The following NBEA variants were observed in gnomAD, a reference collection of about 807,000 sequenced individuals.
NBEA encodes the protein lysosomal-trafficking regulator 2.
In NBEA, 44 loss-of-function variants were observed where a neutral mutation model predicts 343.4. That is an observed-to-expected ratio of 0.13 (90% confidence interval 0.10 to 0.16). The LOEUF (loss-of-function observed/expected upper bound fraction) is 0.16. NBEA is among the 10% of genes least tolerant of loss of function. The pLI is 1.00. For synonymous variants in NBEA, 1,175 were observed against 1,238.7 expected, an observed-to-expected ratio of 0.95 and a Z score of 1.08; for missense variants, 2,555 against 3,631.3, an observed-to-expected ratio of 0.70 and a Z score of 7.62.
chr13:35,527,029 T>G (rs2078010893), intron 41 of NBEA, among the ~76,000 whole-genome samples: 1 of 151,886 alleles, frequency 6.6e-6, no homozygotes, highest in South Asian at 2.1e-4. Context: ...TCTCTTCCTC[T>G]CTCCTTCTCT....
intron 35 of NBEA, among the ~76,000 whole-genome samples, chr13:35,308,540 G>GTA (rs1193426602): frequency 2.7e-5 from 2 of 74,196 alleles, no homozygotes; most frequent in African/African-American, 9.2e-5. Context: ...ATGTATATAT[G>GTA]TATATATATG....
chr13:35,551,346 A>G (rs890748805), intron 43 of NBEA, among the ~76,000 whole-genome samples: 2 of 152,180 alleles, frequency 1.3e-5, no homozygotes, highest in Non-Finnish European at 2.9e-5. Context: ...AAGCCTGAAG[A>G]TCATAAATGA....
intron 38 of NBEA, among the ~76,000 whole-genome samples, chr13:35,376,194 G>A (rs2041729685): frequency 6.6e-6 from 1 of 152,076 alleles, no homozygotes; most frequent in South Asian, 2.1e-4. Flanking sequence ...TCCATTACGG[G>A]TGCTGTTGTC....
intron 11 of NBEA, among the ~76,000 whole-genome samples, chr13:35,102,586 T>C (rs2152645861): frequency 1.3e-5 from 2 of 151,932 alleles, no homozygotes; most frequent in East Asian, 3.9e-4. Flanking sequence ...GTCTTTTTGA[T>C]GGATTTATTT....
At chr13:35,176,937 A>T in intron 27 of NBEA, 59 bp from the exon 28 acceptor site, 5 of 1,125,072 alleles carry the variant, frequency 4.4e-6, no homozygotes, top group Non-Finnish European at 6.5e-6. Context: ...TTAAGAAGTG[A>T]TACTTCTATA....
chr13:35,291,598 C>T (rs1434900534), intron 35 of NBEA, among the ~76,000 whole-genome samples: 1 of 151,784 alleles, frequency 6.6e-6, no homozygotes, highest in Non-Finnish European at 1.5e-5. Context: ...CTATCTGGAC[C>T]TTTTCGATTC....
At chr13:35,522,832 C>A (rs73499813) in intron 41 of NBEA, among the ~76,000 whole-genome samples, 1 of 151,986 alleles carries the variant, frequency 6.6e-6, no homozygotes, top group African/African-American at 2.4e-5. Flanking sequence ...CAGTTTAATC[C>A]CCAGACCACC....
At chr13:35,238,234 C>CA (rs1241991818) in intron 34 of NBEA, among the ~76,000 whole-genome samples, 14 of 152,150 alleles carry the variant, frequency 9.2e-5, no homozygotes, top group Non-Finnish European at 1.8e-4. Context: ...CAGAAATATT[C>CA]AGAGTAACTT....
intron 45 of NBEA, among the ~76,000 whole-genome samples, chr13:35,576,433 A>G (rs2080745173): frequency 6.6e-6 from 1 of 152,116 alleles, no homozygotes; most frequent in Non-Finnish European, 1.5e-5. Flanking sequence ...AGAAATTTAT[A>G]TTTGGAAATA....
intron 17 of NBEA, among the ~76,000 whole-genome samples, chr13:35,136,665 C>T (rs1250929760): frequency 6.6e-6 from 1 of 152,302 alleles, no homozygotes; most frequent in South Asian, 2.1e-4. Context: ...TCAGACTTCT[C>T]CCAGTTGAAT....
chr13:35,089,373 C>G (rs2064947757), intron 10 of NBEA, among the ~76,000 whole-genome samples: 1 of 150,388 alleles, frequency 6.6e-6, no homozygotes, highest in Non-Finnish European at 1.5e-5. Context: ...CCATCTCACA[C>G]CAGTTAGAAT....
At chr13:34,945,726 G>C (rs2059167193) in intron 1 of NBEA, among the ~76,000 whole-genome samples, 1 of 152,050 alleles carries the variant, frequency 6.6e-6, no homozygotes, top group South Asian at 2.1e-4. Context: ...CTTTGTCTCA[G>C]TCGCCTTTGT....
At chr13:35,417,600 ATAGT>A (rs2091936597) in intron 38 of NBEA, among the ~76,000 whole-genome samples, 1 of 151,982 alleles carries the variant, frequency 6.6e-6, no homozygotes, top group Non-Finnish European at 1.5e-5. Context: ...GGTCTGAGAG[ATAGT>A]TTGTTTTAAT....
intron 23 of NBEA, among the ~76,000 whole-genome samples, chr13:35,163,546 G>A (rs2069739354): frequency 6.6e-6 from 1 of 151,308 alleles, no homozygotes; most frequent in Non-Finnish European, 1.5e-5. Context: ...TGGGCCCAGG[G>A]AGGTTGAGGA....
intron 55 of NBEA, among the ~76,000 whole-genome samples, chr13:35,656,714 T>C (rs973447099): frequency 6.6e-6 from 1 of 152,208 alleles, no homozygotes; most frequent in African/African-American, 2.4e-5. Flanking sequence ...TGCATGACTT[T>C]CCTGTATAAT....
intron 49 of NBEA, among the ~76,000 whole-genome samples, chr13:35,641,456 G>A (rs2083941848): frequency 6.6e-6 from 1 of 152,126 alleles, no homozygotes; most frequent in Non-Finnish European, 1.5e-5. Context: ...TTGATAAATT[G>A]TGTTAGGTTA....
At chr13:35,170,506 A>G (rs1017680426) in intron 25 of NBEA, among the ~76,000 whole-genome samples, 5 of 151,866 alleles carry the variant, frequency 3.3e-5, no homozygotes, top group African/African-American at 1.2e-4. Context: ...AGAAATGTTG[A>G]CATTGTTTAA....
intron 33 of NBEA, among the ~76,000 whole-genome samples, chr13:35,221,083 C>T (rs540915224): frequency 1.7e-4 from 26 of 152,168 alleles, no homozygotes; most frequent in South Asian, 4.1e-4. Flanking sequence ...TGATGGCTCA[C>T]GACTGTAATC....
At chr13:35,485,120 C>T (rs1424836789) in intron 41 of NBEA, among the ~76,000 whole-genome samples, 4 of 152,136 alleles carry the variant, frequency 2.6e-5, no homozygotes, top group South Asian at 2.1e-4. Context: ...TTACCAATTA[C>T]GTACACTTCA....
Sources: allele counts gnomAD v4.1 joint callset (sites outside exome capture counted in the v4.1 genomes callset), GRCh38; gene constraint gnomAD v4.1.1; transcripts MANE v1.5; gene names NCBI Gene and HGNC (gene_info 2026-07-23, HGNC 2026-07-21).